The following TRIO variants were observed in gnomAD, a reference collection of about 807,000 sequenced individuals.
TRIO encodes trio Rho guanine nucleotide exchange factor, also known as triple functional domain protein.
A neutral mutation model predicts 351.9 loss-of-function variants in TRIO; 58 were observed. The ratio of observed to expected loss-of-function variants is 0.16; its 90% CI spans 0.13 to 0.21. TRIO has a LOEUF of 0.21. TRIO is among the 10% of genes least tolerant of loss of function. The pLI is 1.00. For missense variants in TRIO, 3,201 were observed against 4,027.8 expected (o/e 0.79, Z 5.56); for synonymous variants, 1,758 against 1,595.7 (o/e 1.10, Z -2.42).
intron 34 of TRIO, among the ~76,000 whole-genome samples, chr5:14,448,303 C>T (rs893475713): frequency 3.9e-5 from 6 of 152,212 alleles, no homozygotes; most frequent in African/African-American, 1.4e-4. Context: ...CAGACCAGAG[C>T]CCAGAGTGCC....
chr5:14,369,247 C>G, intron 17 of TRIO, 127 bp from the exon 18 acceptor site: 3 of 1,357,862 alleles, frequency 2.2e-6, no homozygotes. Flanking sequence ...GCCCATGGCT[C>G]CTTCTTATGG....
chr5:14,371,457 T>C (rs1745097387), intron 18 of TRIO, among the ~76,000 whole-genome samples: 1 of 152,256 alleles, frequency 6.6e-6, no homozygotes, highest in South Asian at 2.1e-4. Context: ...TGTATGGGCA[T>C]ATATCTACCT....
At chr5:14,336,155 ACTCT>A (rs1269714741) in intron 10 of TRIO, among the ~76,000 whole-genome samples, 9 of 152,006 alleles carry the variant, frequency 5.9e-5, no homozygotes, top group Non-Finnish European at 1.2e-4. Flanking sequence ...ATAGACTGGA[ACTCT>A]CTGCTTGGTG....
At chr5:14,273,667 A>G (rs1272867214) in intron 2 of TRIO, among the ~76,000 whole-genome samples, 1 of 152,216 alleles carries the variant, frequency 6.6e-6, no homozygotes, top group Non-Finnish European at 1.5e-5. Context: ...TCTTCTGCCC[A>G]TGGAGGATGC....
chr5:14,439,904 A>G (rs1488012619), intron 34 of TRIO, among the ~76,000 whole-genome samples: 1 of 152,186 alleles, frequency 6.6e-6, no homozygotes, highest in African/African-American at 2.4e-5. Flanking sequence ...TAGCATCTTG[A>G]TTTTTATAGT....
intron 1 of TRIO, among the ~76,000 whole-genome samples, chr5:14,231,073 C>G (rs1157795764): frequency 6.6e-6 from 1 of 152,158 alleles, no homozygotes; most frequent in Non-Finnish European, 1.5e-5. Flanking sequence ...AAAAAGAATT[C>G]TTGTCTTTGT....
At chr5:14,198,405 A>G (rs1454172621) in intron 1 of TRIO, among the ~76,000 whole-genome samples, 1 of 152,182 alleles carries the variant, frequency 6.6e-6, no homozygotes, top group Non-Finnish European at 1.5e-5. Flanking sequence ...GTATACAATC[A>G]GAGTTTTAGA....
At chr5:14,316,885 G>A in intron 9 of TRIO, 142 bp downstream of exon 9, 1 of 992,836 alleles carries the variant, frequency 1.0e-6, no homozygotes, top group Non-Finnish European at 1.5e-6. Flanking sequence ...GAATGTAAGT[G>A]AAAACTGGGC....
chr5:14,346,543 G>T (rs1742432160), intron 11 of TRIO, among the ~76,000 whole-genome samples: 1 of 152,212 alleles, frequency 6.6e-6, no homozygotes. Flanking sequence ...TTTTAAAGAA[G>T]GTGGATTTCA....
chr5:14,346,178 G>A (rs1007604122), intron 11 of TRIO, among the ~76,000 whole-genome samples: 16 of 152,256 alleles, frequency 1.1e-4, no homozygotes, highest in African/African-American at 3.9e-4. Flanking sequence ...TCCATTTGTT[G>A]AGGTACAAAA....
chr5:14,374,988 T>G (rs1305226387), intron 19 of TRIO, among the ~76,000 whole-genome samples: 1 of 152,292 alleles, frequency 6.6e-6, no homozygotes, highest in East Asian at 1.9e-4. Context: ...AGCCTAAGTT[T>G]AGTTTTATAG....
chr5:14,493,899 A>G (rs1319456490), intron 49 of TRIO, among the ~76,000 whole-genome samples: 1 of 152,230 alleles, frequency 6.6e-6, no homozygotes, highest in African/African-American at 2.4e-5. Context: ...TGGATAGAAG[A>G]TCAAACCAGC....
intron 7 of TRIO, among the ~76,000 whole-genome samples, chr5:14,302,521 A>G (rs1183223335): frequency 6.6e-6 from 1 of 152,248 alleles, no homozygotes; most frequent in Non-Finnish European, 1.5e-5. Context: ...CCAAATTGAC[A>G]TTTATAGAAC....
rs541001829 is a variant in TRIO, at chr5:14,488,331, G to A, written c.7632+71G>A. 53 of 1,494,286 alleles carry A rather than the reference G, an allele frequency of 3.5e-5. No homozygotes were observed. The South Asian group carries it at 6.4e-4, about 18-fold the overall frequency. The allele number at this position is 1,494,286 out of a possible 1,614,324, so 92.6% of individuals were successfully genotyped here. ...TCCCGCCAGCTCTAAACGCCACCGC[G>A]GCTGTTCTCACTAACTCGGCTGCCC... On this transcript the variant is annotated intron_variant, in intron 48 of 56. Coordinates refer to ENST00000344204, the MANE Select transcript of TRIO (RefSeq NM_007118.4).
intron 19 of TRIO, among the ~76,000 whole-genome samples, chr5:14,376,953 C>G (rs1032189087): frequency 2.0e-5 from 3 of 152,156 alleles, no homozygotes; most frequent in Admixed American, 6.5e-5. Context: ...AAATGTGTTC[C>G]TGTATATTTA....
intron 34 of TRIO, among the ~76,000 whole-genome samples, chr5:14,422,633 T>C (rs1750271322): frequency 6.6e-6 from 1 of 152,254 alleles, no homozygotes; most frequent in Admixed American, 6.5e-5. Flanking sequence ...CTTGGAAGTC[T>C]GTCGGACACT....
intron 33 of TRIO, among the ~76,000 whole-genome samples, chr5:14,414,638 TGTAAC>T (rs530812519): frequency 8.1e-4 from 124 of 152,256 alleles, no homozygotes; most frequent in Non-Finnish European, 1.5e-3. Flanking sequence ...AAAAAAAAAA[TGTAAC>T]GTAAAGTTTA....
Position 14,504,426 on chromosome 5 carries a change from G to C in TRIO, c.8445G>C (p.Gln2815His). The change falls in exon 55 of 57, where the codon CAG (glutamine) becomes CAC (histidine). Residue 2815 changes from glutamine to histidine, a missense_variant. By Grantham distance (24) the Gln-to-His change is conservative. Around this residue, in one of 19 missense-constraint regions of TRIO, gnomAD observed 1,089 missense variants for 954.9 expected, o/e 1.14. Coordinates refer to ENST00000344204, the MANE Select transcript of TRIO (RefSeq NM_007118.4). ...TCTCTGTCGTTAAGAAATGTGATCA[G>C]AAAGGAACCAAGCGAGCAGTGGCCA... ...GRFSVVKKCD[Q>H]KGTKRAVATK... 1 of 1,614,222 alleles carries C rather than the reference G, an allele frequency of 6.2e-7. No individual in the cohort carries two copies.
In TRIO at chr5:14,151,693, TTTATTCATTTTGC is replaced by T. The variant is rs1787847349; in HGVS notation, c.157+7814_157+7826del. Among the ~76,000 whole-genome samples the T allele has an allele frequency of 1.3e-5, 2 of 152,210 alleles. 1 individual carries two copies. Among genetic ancestry groups the T allele is most frequent in the South Asian group, 4.1e-4 (2 of 4,830 alleles). On this transcript the variant is annotated intron_variant, in intron 1 of 56. Transcript: ENST00000344204. ...TGTGTGTATAAATTGATCTCCATTG[TTTATTCATTTTGC>T]TTTGCTTCCTCTTGCATTGACCCAT... is the stretch of plus-strand genomic sequence containing the variant.
Sources: gnomAD v4.1 joint callset for allele counts (sites outside exome capture counted in the v4.1 genomes callset) on GRCh38, gnomAD v4.1.1 for gene constraint, gnomAD v4.1.1 regional missense constraint, MANE v1.5 for transcripts, NCBI Gene and HGNC (gene_info 2026-07-23, HGNC 2026-07-21) for gene names.